ACOT12: variants seen among roughly 807,000 people sequenced by gnomAD.
The protein encoded by ACOT12 is acetyl-coenzyme A thioesterase.
A neutral mutation model predicts 67.7 loss-of-function variants in ACOT12; 51 were observed. That is an observed-to-expected ratio of 0.75 (90% CI 0.60 to 0.95). The LOEUF (loss-of-function observed/expected upper bound fraction) is 0.95, where lower values mean the gene tolerates loss of function less well. ACOT12 is among the 40% of genes least tolerant of loss of function. ACOT12 has a pLI of 0.00. For synonymous variants in ACOT12, 251 were observed against 244.6 expected, an observed-to-expected ratio of 1.03 and a Z score of -0.24; for missense variants, 734 against 708.1, an observed-to-expected ratio of 1.04 and a Z score of -0.41.
the ACOT12 span, chr5:81,308,764 G>A: frequency 6.4e-7 from 1 of 1,564,712 alleles, no homozygotes; most frequent in South Asian, 1.2e-5. Flanking sequence ...CCAATAAATA[G>A]CACCTTGGGT....
chr5:81,387,840 C>T (rs755058008), intron 1 of ACOT12, among the ~76,000 whole-genome samples: 9 of 152,048 alleles, frequency 5.9e-5, no homozygotes, highest in South Asian at 2.1e-4. Context: ...CCACCATGCC[C>T]GGCTGAGTTA....
intron 5 of ACOT12, among the ~76,000 whole-genome samples, chr5:81,349,627 A>G (rs1395501672): frequency 6.6e-6 from 1 of 152,030 alleles, no homozygotes; most frequent in Non-Finnish European, 1.5e-5. Flanking sequence ...TCTTTCTTTC[A>G]TGGCTATAGT....
chr5:81,316,665 A>G, the ACOT12 span, among the ~76,000 whole-genome samples: 26,842 of 152,118 alleles, frequency 0.18, 2,756 homozygotes, highest in East Asian at 0.26. Flanking sequence ...CCATTCGATA[A>G]TCTAATCAGC....
At chr5:81,393,712 C>CA (rs1355329173) in intron 1 of ACOT12, among the ~76,000 whole-genome samples, 6 of 140,724 alleles carry the variant, frequency 4.3e-5, no homozygotes, top group Admixed American at 3.6e-4. Context: ...TCAACAACAA[C>CA]AACAACAAAC....
chr5:81,348,726 G>A (rs1220051056), intron 5 of ACOT12, among the ~76,000 whole-genome samples: 1 of 151,992 alleles, frequency 6.6e-6, no homozygotes, highest in Non-Finnish European at 1.5e-5. Flanking sequence ...CACCACGCCT[G>A]GCTAATTTTT....
At chr5:81,349,035 G>A (rs1184334880) in intron 5 of ACOT12, among the ~76,000 whole-genome samples, 1 of 152,164 alleles carries the variant, frequency 6.6e-6, no homozygotes, top group African/African-American at 2.4e-5. Flanking sequence ...CTATTGTTGG[G>A]AAGGAGGGGG....
In ACOT12 at chr5:81,394,019, G is replaced by A. The variant is rs2153861236; in HGVS notation, c.96C>T (p.Leu32=). The A allele has an allele frequency of 5.5e-6, 8 of 1,456,762 alleles. No homozygotes were observed. The highest frequency in any genetic ancestry group is 1.4e-5 in the South Asian group (1 of 73,234). 90.2% of individuals were successfully genotyped at this position (1,456,762 alleles called of 1,614,324 possible). Reference sequence around the variant, plus strand: ...GGCAGGCGGTGGTGTCGATCCACTTGAGCAGCTGCCCCGCGCTCAGCTCGC... The same window carrying A: ...GGCAGGCGGTGGTGTCGATCCACTTAAGCAGCTGCCCCGCGCTCAGCTCGC... ...ARGELSAGQL[L]KWIDTTACLA... is the part of the protein sequence containing the mutation. Residue 32 remains leucine (L), a synonymous_variant, in exon 1 of 15, where the codon CTC becomes CTT. Coordinates refer to ENST00000307624, the MANE Select transcript of ACOT12 (RefSeq NM_130767.3).
chr5:81,353,838 T>C (rs1759627356), intron 5 of ACOT12, among the ~76,000 whole-genome samples: 2 of 152,210 alleles, frequency 1.3e-5, no homozygotes, highest in African/African-American at 4.8e-5. Flanking sequence ...TCTTTTATGT[T>C]TGATATTTAT....
intron 1 of ACOT12, among the ~76,000 whole-genome samples, chr5:81,392,492 C>T (rs1034770906): frequency 6.6e-6 from 1 of 152,050 alleles, no homozygotes; most frequent in Non-Finnish European, 1.5e-5. Flanking sequence ...TTGGATCTTT[C>T]CATGGTTTCC....
intron 3 of ACOT12, among the ~76,000 whole-genome samples, chr5:81,371,404 C>T (rs1340040841): frequency 6.6e-6 from 1 of 151,458 alleles, no homozygotes; most frequent in Admixed American, 6.6e-5. Flanking sequence ...AGGCACTTAC[C>T]ACTGTGCTGG....
intron 2 of ACOT12, among the ~76,000 whole-genome samples, chr5:81,379,621 G>A (rs973633252): frequency 7.9e-5 from 12 of 152,152 alleles, no homozygotes; most frequent in Non-Finnish European, 1.6e-4. Flanking sequence ...AGGTGACATA[G>A]TGACTGGCAG....
chr5:81,357,610 G>T (rs1318826475), intron 5 of ACOT12, among the ~76,000 whole-genome samples: 1 of 152,080 alleles, frequency 6.6e-6, no homozygotes, highest in African/African-American at 2.4e-5. Context: ...CGGGCAAAAG[G>T]GTGGAGAATG....
downstream of ACOT12, among the ~76,000 whole-genome samples, chr5:81,325,433 T>C (rs1157259551): frequency 6.6e-6 from 1 of 152,108 alleles, no homozygotes; most frequent in Non-Finnish European, 1.5e-5. Context: ...TGAAGTATTA[T>C]GAATAGTTTA....
intron 13 of ACOT12, among the ~76,000 whole-genome samples, 155 bp from the exon 14 acceptor site, chr5:81,331,095 C>T (rs1466646512): frequency 1.3e-5 from 2 of 152,202 alleles, no homozygotes; most frequent in African/African-American, 4.8e-5. Context: ...AAACACTCTA[C>T]AGGCTACCTT....
At chr5:81,375,464 A>G (rs905006312) in intron 2 of ACOT12, among the ~76,000 whole-genome samples, 4 of 152,208 alleles carry the variant, frequency 2.6e-5, no homozygotes, top group African/African-American at 9.7e-5. Flanking sequence ...TAGTATCATA[A>G]TGACAGGATC....
At chr5:81,347,236 G>T (rs948642188) in intron 6 of ACOT12, among the ~76,000 whole-genome samples, 4 of 151,964 alleles carry the variant, frequency 2.6e-5, no homozygotes, top group Non-Finnish European at 4.4e-5. Context: ...TCCCACCTCC[G>T]CCTCCCAACT....
intron 13 of ACOT12, 147 bp downstream of exon 13, chr5:81,332,330 T>C: frequency 1.1e-6 from 1 of 910,654 alleles, no homozygotes; most frequent in Admixed American, 2.9e-5. Flanking sequence ...TTTAAAATAA[T>C]AGCTAAAGAT....
At chr5:81,364,621 A>C (rs935596003) in intron 3 of ACOT12, among the ~76,000 whole-genome samples, 24 of 151,994 alleles carry the variant, frequency 1.6e-4, no homozygotes, top group African/African-American at 5.8e-4. Flanking sequence ...TACAGACAAG[A>C]TTTCACCATG....
At chr5:81,311,014 A>G in the ACOT12 span, among the ~76,000 whole-genome samples, 1 of 152,198 alleles carries the variant, frequency 6.6e-6, no homozygotes, top group East Asian at 1.9e-4. Context: ...GTGGGTGGGT[A>G]CAATTTAGTG....
Sources: allele counts gnomAD v4.1 joint callset (sites outside exome capture counted in the v4.1 genomes callset), GRCh38; gene constraint gnomAD v4.1.1; transcripts MANE v1.5; gene names NCBI Gene and HGNC (gene_info 2026-07-23, HGNC 2026-07-21).